The following C1orf21 variants were observed in gnomAD, a reference collection of about 807,000 sequenced individuals.
The protein encoded by C1orf21 is chromosome 1 open reading frame 21.
Under a neutral mutation model 18.7 loss-of-function variants are expected in C1orf21, and 3 were observed. That is an observed-to-expected ratio of 0.16 (90% CI 0.07 to 0.42). The LOEUF (loss-of-function observed/expected upper bound fraction) is 0.42, where lower values mean the gene tolerates loss of function less well. Ranked by LOEUF, C1orf21 falls within the 10% of genes least tolerant of loss-of-function variation. The pLI, the probability that C1orf21 is intolerant of heterozygous loss-of-function variation, is 0.99. For missense variants in C1orf21, 104 were observed against 143.6 expected (o/e 0.72, Z 1.41); for synonymous variants, 41 against 46.4 (o/e 0.88, Z 0.47).
At chr1:184,473,007 C>T (rs968700125) in intron 1 of C1orf21, among the ~76,000 whole-genome samples, 1 of 152,164 alleles carries the variant, frequency 6.6e-6, no homozygotes, top group African/African-American at 2.4e-5. Context: ...AGATGGCATT[C>T]AATTAGGCTA....
intron 3 of C1orf21, among the ~76,000 whole-genome samples, chr1:184,514,144 G>A (rs1658190462): frequency 6.6e-6 from 1 of 151,994 alleles, no homozygotes; most frequent in African/African-American, 2.4e-5. Flanking sequence ...AAAAATAAAA[G>A]TAAAAATAGA....
chr1:184,551,925 C>G (rs1658818433), intron 3 of C1orf21, among the ~76,000 whole-genome samples: 1 of 133,160 alleles, frequency 7.5e-6, no homozygotes, highest in African/African-American at 3.0e-5. Flanking sequence ...GCCTGGGTGA[C>G]AGAAAGAGAC....
rs1659991704 is a variant in C1orf21, at chr1:184,625,406, G to A, written c.*5850G>A. On this transcript the variant is annotated 3_prime_UTR_variant, in exon 6 of 6. Transcript: ENST00000235307. Reference sequence around the variant, plus strand: ...CTTGACAGGCAAGCAAGCAAAGAAAGTTTTGCAATAGATTTCAAGCCAGTT... The same window carrying A: ...CTTGACAGGCAAGCAAGCAAAGAAAATTTTGCAATAGATTTCAAGCCAGTT... The A allele has an allele frequency of 6.6e-6, 1 of 152,584 alleles. No homozygotes were observed. The highest frequency in any genetic ancestry group is 2.1e-4 in the South Asian group (1 of 4,824). The allele number at this position is 152,584 out of a possible 1,614,324, so 9.5% of individuals were successfully genotyped here. A position where few individuals can be genotyped will look rare whatever the true frequency, so the allele number is the denominator to read the frequency against.
Position 184,410,648 on chromosome 1 carries a change from T to TATAATATATATATATA in C1orf21, c.-125+23283_-125+23284insATATATATATATAATA. ...ATATATATATATATATATATATATA[T>TATAATATATATATATA]ATATATATATATATATTTTTTTTTT... On this transcript the variant is annotated intron_variant, in intron 1 of 5. Transcript: ENST00000235307. Among the ~76,000 whole-genome samples the TATAATATATATATATA allele has an allele frequency of 2.1e-3, 15 of 6,998 alleles. 2 individuals are homozygous for TATAATATATATATATA. The African/African-American group carries it at 0.039, about 18-fold the overall frequency. The allele number at this position is 6,998 out of a possible 152,430, so 4.6% of individuals were successfully genotyped here.
intron 1 of C1orf21, among the ~76,000 whole-genome samples, chr1:184,455,347 A>G (rs559170867): frequency 2.0e-4 from 31 of 152,330 alleles, no homozygotes; most frequent in African/African-American, 7.2e-4. Context: ...CATACAAATA[A>G]CTAGGGATCA....
intron 4 of C1orf21, among the ~76,000 whole-genome samples, chr1:184,592,827 C>T (rs1659458412): frequency 6.6e-6 from 1 of 152,112 alleles, no homozygotes; most frequent in African/African-American, 2.4e-5. Flanking sequence ...AGTTAGGAGA[C>T]CTCAGGGGGT....
chr1:184,453,361 T>C (rs1253561550), intron 1 of C1orf21, among the ~76,000 whole-genome samples: 1 of 152,220 alleles, frequency 6.6e-6, no homozygotes, highest in African/African-American at 2.4e-5. Context: ...CTGACGGTTC[T>C]GCTTTTGCTT....
intron 1 of C1orf21, among the ~76,000 whole-genome samples, chr1:184,470,237 A>G (rs1313302342): frequency 6.6e-6 from 1 of 152,168 alleles, no homozygotes; most frequent in Non-Finnish European, 1.5e-5. Context: ...CCCAGTGCTC[A>G]TGAAAAGCCC....
intron 5 of C1orf21, among the ~76,000 whole-genome samples, chr1:184,602,316 G>C (rs994348431): frequency 6.6e-6 from 1 of 152,232 alleles, no homozygotes; most frequent in Non-Finnish European, 1.5e-5. Context: ...ATGACCAAGA[G>C]AGACAGATTG....
In C1orf21 at chr1:184,585,052, A is replaced by G. The variant is rs187240967; in HGVS notation, c.190-5687A>G. The stretch of plus-strand genomic sequence containing the variant: ...TTAATCATATAGTTGTAGTGGGGGA[A>G]TTTTATAGAATGTAAATTTTACCCC... On this transcript the variant is annotated intron_variant, in intron 3 of 5. Coordinates refer to ENST00000235307, the MANE Select transcript of C1orf21 (RefSeq NM_030806.4). 2.4e-4 allele frequency among the ~76,000 whole-genome samples: 36 copies of G among 152,338 alleles called. 1 individual carries two copies. Among genetic ancestry groups the G allele is most frequent in the Non-Finnish European group, 1.2e-4 (8 of 68,032 alleles).
intron 1 of C1orf21, among the ~76,000 whole-genome samples, chr1:184,422,765 T>C (rs1048080537): frequency 2.0e-5 from 3 of 152,262 alleles, no homozygotes; most frequent in Admixed American, 1.3e-4. Flanking sequence ...GAGAGCATTG[T>C]TGCACTTTGC....
intron 1 of C1orf21, among the ~76,000 whole-genome samples, chr1:184,452,267 CTTAT>C (rs1657134640): frequency 6.6e-6 from 1 of 152,136 alleles, no homozygotes; most frequent in African/African-American, 2.4e-5. Flanking sequence ...CTATGAAGGG[CTTAT>C]TTCTTTTATA....
intron 1 of C1orf21, among the ~76,000 whole-genome samples, chr1:184,455,075 T>A (rs555021720): frequency 6.6e-6 from 1 of 152,278 alleles, no homozygotes; most frequent in South Asian, 2.1e-4. Flanking sequence ...TCAGTGAATC[T>A]GCATTTCTGA....
chr1:184,557,523 A>G (rs529226468), intron 3 of C1orf21, among the ~76,000 whole-genome samples: 1 of 152,308 alleles, frequency 6.6e-6, no homozygotes, highest in African/African-American at 2.4e-5. Context: ...TTCTTGAGTT[A>G]CTTCACTTAG....
Position 184,507,488 on chromosome 1 carries a change from G to A in C1orf21, c.95-100G>A, listed in dbSNP as rs1571391008. 3.1e-5 allele frequency: 31 copies of A among 988,958 alleles called. No homozygotes were observed. In the South Asian group the frequency reaches 3.4e-4, roughly 11 times the overall value. The allele number at this position is 988,958 out of a possible 1,614,324, so 61.3% of individuals were successfully genotyped here. On this transcript the variant is annotated intron_variant, in intron 2 of 5. Coordinates refer to ENST00000235307, the MANE Select transcript of C1orf21 (RefSeq NM_030806.4). ...TGAACCACATATGAAGGCCACAGGT[G>A]AAAGGGTCTAGCAAATTACACTATT...
chr1:184,584,422 G>A (rs538975585), intron 3 of C1orf21, among the ~76,000 whole-genome samples: 1 of 152,258 alleles, frequency 6.6e-6, no homozygotes, highest in Non-Finnish European at 1.5e-5. Flanking sequence ...AATGCCAAGT[G>A]TTGGTGGTGC....
chr1:184,616,960 C>T (rs1283251529), intron 5 of C1orf21, among the ~76,000 whole-genome samples: 5 of 152,178 alleles, frequency 3.3e-5, no homozygotes, highest in African/African-American at 9.7e-5. Context: ...TTCCCTGACA[C>T]CTATCAGATG....
At chr1:184,462,953 G>A (rs972895364) in intron 1 of C1orf21, among the ~76,000 whole-genome samples, 2 of 151,820 alleles carry the variant, frequency 1.3e-5, no homozygotes, top group Non-Finnish European at 2.9e-5. Context: ...GTGGTGGCAG[G>A]TGCCTGTAAT....
At chr1:184,585,099 T>C (rs2101996567) in intron 3 of C1orf21, among the ~76,000 whole-genome samples, 1 of 152,332 alleles carries the variant, frequency 6.6e-6, no homozygotes, top group South Asian at 2.1e-4. Flanking sequence ...TAAATATTTG[T>C]TTTTAAAAAT....
Sources: allele counts gnomAD v4.1 joint callset (sites outside exome capture counted in the v4.1 genomes callset), GRCh38; gene constraint gnomAD v4.1.1; transcripts MANE v1.5; gene names NCBI Gene and HGNC (gene_info 2026-07-23, HGNC 2026-07-21).